Variants in CNTNAP2 observed in about 807,000 individuals in gnomAD.
CNTNAP2 encodes contactin associated protein 2, also known as contactin-associated protein-like 2.
A neutral mutation model predicts 155.2 loss-of-function variants in CNTNAP2; 98 were observed. That is an observed-to-expected ratio of 0.63 (90% CI 0.54 to 0.75). The LOEUF (loss-of-function observed/expected upper bound fraction) is 0.75. Among genes scored for constraint, CNTNAP2 ranks in the 30% least tolerant of loss-of-function variants. The probability of loss-of-function intolerance (pLI) is 0.00; values close to 1 mark genes in which losing one functional copy is unlikely to be tolerated. For missense variants in CNTNAP2, 1,727 were observed against 1,688.1 expected (o/e 1.02, Z -0.40); for synonymous variants, 651 against 631.2 (o/e 1.03, Z -0.47).
chr7:148,237,019 G>A (rs1796052930), intron 20 of CNTNAP2, among the ~76,000 whole-genome samples: 1 of 152,088 alleles, frequency 6.6e-6, no homozygotes, highest in Non-Finnish European at 1.5e-5. Context: ...TGAGATTTGA[G>A]CAGGGACACA....
intron 17 of CNTNAP2, among the ~76,000 whole-genome samples, chr7:148,150,662 G>A (rs1426052863): frequency 6.6e-6 from 1 of 152,160 alleles, no homozygotes; most frequent in Non-Finnish European, 1.5e-5. Context: ...GTTAGTCTCA[G>A]TTCACCTCTA....
chr7:147,475,854 A>G (rs1044901311), intron 10 of CNTNAP2, among the ~76,000 whole-genome samples: 1 of 152,206 alleles, frequency 6.6e-6, no homozygotes. Flanking sequence ...ATTGTCTTAC[A>G]TCATTTACTA....
At chr7:148,217,108 CT>C (rs11384134) in intron 18 of CNTNAP2, among the ~76,000 whole-genome samples, 179 bp from the exon 19 acceptor site, 320 of 144,006 alleles carry the variant, frequency 2.2e-3, no homozygotes, top group Middle Eastern at 0.011. Context: ...CTGTTACATG[CT>C]TTTTTTTTTT....
intron 1 of CNTNAP2, among the ~76,000 whole-genome samples, chr7:146,417,121 G>C (rs1170896922): frequency 6.6e-6 from 1 of 152,066 alleles, no homozygotes; most frequent in Non-Finnish European, 1.5e-5. Flanking sequence ...AACTATGTCT[G>C]TACATAGTTA....
intron 9 of CNTNAP2, among the ~76,000 whole-genome samples, chr7:147,381,430 C>A (rs1178590338): frequency 6.6e-6 from 1 of 152,122 alleles, no homozygotes; most frequent in Non-Finnish European, 1.5e-5. Flanking sequence ...TATGTTATGA[C>A]TGTATCTGCC....
rs111892568 is a variant in CNTNAP2, at chr7:147,245,110, T to G, written c.1349-55031T>G. On this transcript the variant is annotated intron_variant, in intron 8 of 23. Coordinates refer to ENST00000361727, the MANE Select transcript of CNTNAP2 (RefSeq NM_014141.6). Reference sequence around the variant, plus strand: ...CAACTTCCCCAAATACTTAGACGACTTCAAAAATAATTTTGCTTTTGTCTA... The same window carrying G: ...CAACTTCCCCAAATACTTAGACGACGTCAAAAATAATTTTGCTTTTGTCTA... Among the ~76,000 whole-genome samples the G allele has an allele frequency of 1.2e-4, 18 of 152,272 alleles. 1 individual carries two copies. The highest frequency in any genetic ancestry group is 4.3e-4 in the African/African-American group (18 of 41,570).
At chr7:148,339,160 C>G (rs1798176419) in intron 21 of CNTNAP2, among the ~76,000 whole-genome samples, 1 of 151,998 alleles carries the variant, frequency 6.6e-6, no homozygotes, top group African/African-American at 2.4e-5. Flanking sequence ...AAAAAACTTT[C>G]TTCCCCGCAG....
intron 8 of CNTNAP2, among the ~76,000 whole-genome samples, chr7:147,141,237 A>T (rs1801588566): frequency 6.6e-6 from 1 of 152,056 alleles, no homozygotes; most frequent in Admixed American, 6.6e-5. Flanking sequence ...AACAATCACC[A>T]CCCTTCTTTT....
chr7:146,534,911 A>T (rs1265912580), intron 1 of CNTNAP2, among the ~76,000 whole-genome samples: 1 of 148,894 alleles, frequency 6.7e-6, no homozygotes, highest in Non-Finnish European at 1.5e-5. Flanking sequence ...TCACTTAATG[A>T]TTAGGCATAA....
rs146781690 is a variant in CNTNAP2, at chr7:147,478,490, C to A, written c.1671-7445C>A. Among the ~76,000 whole-genome samples, 51 of 152,218 alleles carry A rather than the reference C, an allele frequency of 3.4e-4. No individual in the cohort carries two copies. In the East Asian group the frequency reaches 8.7e-3, roughly 26 times the overall value. Reference sequence around the variant, plus strand: ...TAATAAAGACCCAAAATAACAGTGGCTTAAAACATCCAGAATTATATTTCT... The same window carrying A: ...TAATAAAGACCCAAAATAACAGTGGATTAAAACATCCAGAATTATATTTCT... On this transcript the variant is annotated intron_variant, in intron 10 of 23. Transcript: ENST00000361727.
intron 13 of CNTNAP2, among the ~76,000 whole-genome samples, chr7:147,875,202 A>G (rs1313347991): frequency 6.6e-6 from 1 of 152,186 alleles, no homozygotes; most frequent in Non-Finnish European, 1.5e-5. Context: ...GTTTGTTCTC[A>G]TGCTGCTAAT....
At chr7:146,885,665 T>C (rs2129210342) in intron 3 of CNTNAP2, among the ~76,000 whole-genome samples, 1 of 152,284 alleles carries the variant, frequency 6.6e-6, no homozygotes, top group East Asian at 1.9e-4. Flanking sequence ...AACTTCTTTT[T>C]GCAAGGAAAG....
chr7:148,064,066 T>C (rs960365113), intron 15 of CNTNAP2, among the ~76,000 whole-genome samples: 42 of 152,132 alleles, frequency 2.8e-4, no homozygotes, highest in Non-Finnish European at 1.3e-4. Flanking sequence ...TTCTGGGTTC[T>C]CTATTCTGTT....
intron 10 of CNTNAP2, among the ~76,000 whole-genome samples, chr7:147,396,800 T>A (rs947340480): frequency 6.6e-6 from 1 of 152,036 alleles, no homozygotes; most frequent in Non-Finnish European, 1.5e-5. Context: ...TGTCTTATCC[T>A]AAAAGCTCAT....
At chr7:148,219,035 C>G (rs530998914) in intron 19 of CNTNAP2, among the ~76,000 whole-genome samples, 58 of 150,050 alleles carry the variant, frequency 3.9e-4, no homozygotes, top group African/African-American at 1.4e-3. Context: ...CTCCGCCCCT[C>G]GAGTTCAAGC....
At chr7:146,366,711 A>G (rs1434532548) in intron 1 of CNTNAP2, among the ~76,000 whole-genome samples, 4 of 152,162 alleles carry the variant, frequency 2.6e-5, no homozygotes, top group Admixed American at 6.5e-5. Context: ...CAGAGAGACT[A>G]AAGTCCGAAC....
chr7:147,510,293 G>A (rs908356396), intron 11 of CNTNAP2, among the ~76,000 whole-genome samples: 1 of 152,114 alleles, frequency 6.6e-6, no homozygotes, highest in South Asian at 2.1e-4. Flanking sequence ...CAAATTGGCT[G>A]GCCATTCCAC....
intron 1 of CNTNAP2, among the ~76,000 whole-genome samples, chr7:146,688,818 A>G (rs547746884): frequency 6.6e-6 from 1 of 152,242 alleles, no homozygotes; most frequent in African/African-American, 2.4e-5. Flanking sequence ...ACTATTAATG[A>G]CTATCCTAAT....
intron 1 of CNTNAP2, among the ~76,000 whole-genome samples, chr7:146,431,808 C>G (rs1796177307): frequency 6.6e-6 from 1 of 152,068 alleles, no homozygotes; most frequent in African/African-American, 2.4e-5. Context: ...TGGCTCTAGA[C>G]TAACACGTTT....
Sources: allele counts gnomAD v4.1 joint callset (sites outside exome capture counted in the v4.1 genomes callset), GRCh38; gene constraint gnomAD v4.1.1; transcripts MANE v1.5; gene names NCBI Gene and HGNC (gene_info 2026-07-23, HGNC 2026-07-21).